Variants in PRTFDC1 observed in about 807,000 individuals in gnomAD.
The protein encoded by PRTFDC1 is phosphoribosyltransferase domain-containing protein 1.
In PRTFDC1, 38 loss-of-function variants were observed where a neutral mutation model predicts 34.6. The observed-to-expected ratio is 1.10, with a 90% confidence interval of 0.85 to 1.44. PRTFDC1 has a LOEUF of 1.44. Among genes scored for constraint, PRTFDC1 ranks in the 40% most tolerant of loss-of-function variants. PRTFDC1 has a pLI of 0.00. For missense variants in PRTFDC1, 270 were observed against 283.0 expected (o/e 0.95, Z 0.33); for synonymous variants, 93 against 98.1 (o/e 0.95, Z 0.31).
At chr10:24,916,999 A>G (rs896544701) in intron 3 of PRTFDC1, among the ~76,000 whole-genome samples, 3 of 152,086 alleles carry the variant, frequency 2.0e-5, no homozygotes, top group African/African-American at 4.8e-5. Context: ...CCTCAGCTCA[A>G]TGGTGTATTC....
At chr10:24,943,201 T>G (rs1849197476) in intron 1 of PRTFDC1, among the ~76,000 whole-genome samples, 1 of 151,444 alleles carries the variant, frequency 6.6e-6, no homozygotes, top group African/African-American at 2.4e-5. Context: ...GATTTCTTAT[T>G]AAAAGTACGT....
intron 3 of PRTFDC1, among the ~76,000 whole-genome samples, chr10:24,910,115 C>T (rs759009055): frequency 1.3e-5 from 2 of 152,000 alleles, no homozygotes; most frequent in Non-Finnish European, 2.9e-5. Context: ...GAGCCGAAAT[C>T]GTGCCACTGC....
chr10:24,949,389 C>T (rs11014320), intron 1 of PRTFDC1, among the ~76,000 whole-genome samples: 58,409 of 151,834 alleles, frequency 0.38, 12,494 homozygotes, highest in Middle Eastern at 0.53. Context: ...AGCCACCTGC[C>T]CCTTTTTAAA....
At chr10:24,920,141 A>G (rs1260627889) in intron 3 of PRTFDC1, among the ~76,000 whole-genome samples, 1 of 152,170 alleles carries the variant, frequency 6.6e-6, no homozygotes, top group African/African-American at 2.4e-5. Context: ...TCAAAGGAAT[A>G]TAATAAATCA....
At chr10:24,891,920 C>T (rs1476251144) in intron 3 of PRTFDC1, among the ~76,000 whole-genome samples, 1 of 152,206 alleles carries the variant, frequency 6.6e-6, no homozygotes, top group Non-Finnish European at 1.5e-5. Flanking sequence ...GGCCACTTAA[C>T]ATAACCTCCC....
chr10:24,859,101 G>A (rs1847631384), intron 4 of PRTFDC1, among the ~76,000 whole-genome samples: 2 of 152,172 alleles, frequency 1.3e-5, no homozygotes, highest in Non-Finnish European at 2.9e-5. Flanking sequence ...CCTGGTGGGA[G>A]GTGACTGGAT....
intron 3 of PRTFDC1, among the ~76,000 whole-genome samples, chr10:24,888,786 T>C (rs7904653): frequency 0.5 from 76,170 of 152,002 alleles, 19,673 homozygotes; most frequent in South Asian, 0.7. Flanking sequence ...TAATATATAA[T>C]ATACATCAAT....
chr10:24,850,549 T>G (rs1208571553), intron 8 of PRTFDC1, among the ~76,000 whole-genome samples: 1 of 152,128 alleles, frequency 6.6e-6, no homozygotes, highest in African/African-American at 2.4e-5. Context: ...GGAGGATCGC[T>G]TGAGCCTGGG....
chr10:24,898,949 G>T, intron 3 of PRTFDC1, among the ~76,000 whole-genome samples: 1 of 144,536 alleles, frequency 6.9e-6, no homozygotes, highest in East Asian at 2.3e-4. Flanking sequence ...TGTCTTTCTG[G>T]ATACAAGAAG....
At chr10:24,904,358 C>T (rs1848498388) in intron 3 of PRTFDC1, among the ~76,000 whole-genome samples, 1 of 152,146 alleles carries the variant, frequency 6.6e-6, no homozygotes, top group Admixed American at 6.5e-5. Flanking sequence ...GTGGGAATGA[C>T]CCACTTGTGA....
Position 24,856,937 on chromosome 10 carries a change from T to A in PRTFDC1, c.482A>T (p.Lys161Met), listed in dbSNP as rs111639291. ...KALLSNIEKYKPNMIKVASLL... is the reference protein window; with the variant it reads ...KALLSNIEKYMPNMIKVASLL... ...CCTGGCTACCTTAATCATGTTGGGC[T>A]TGTATTTCTCTATATTGCTGAGTAG... The change falls in exon 6 of 9, where the codon AAG (lysine) becomes ATG (methionine). Residue 161 changes from lysine (K) to methionine (M), a missense_variant. By Grantham distance (95) the Lys-to-Met change is moderately conservative (BLOSUM62 -1). Transcript: ENST00000320152. The A allele has an allele frequency of 6.2e-7, 1 of 1,613,446 alleles. No individual in the cohort carries two copies. The highest frequency in any genetic ancestry group is 1.3e-5 in the African/African-American group (1 of 74,916).
At chr10:24,946,979 TAAA>T (rs113540659) in intron 1 of PRTFDC1, among the ~76,000 whole-genome samples, 1 of 146,948 alleles carries the variant, frequency 6.8e-6, no homozygotes, top group Admixed American at 6.8e-5. Context: ...CTACAAAAAA[TAAA>T]AAAAAAAATT....
chr10:24,948,423 G>T (rs1029150455), intron 1 of PRTFDC1, among the ~76,000 whole-genome samples: 3 of 152,174 alleles, frequency 2.0e-5, no homozygotes, highest in African/African-American at 7.2e-5. Flanking sequence ...TCCAGATCAA[G>T]TGACAAGCCA....
At chr10:24,950,344 G>A (rs1252871344) in intron 1 of PRTFDC1, among the ~76,000 whole-genome samples, 1 of 151,884 alleles carries the variant, frequency 6.6e-6, no homozygotes, top group Non-Finnish European at 1.5e-5. Context: ...ATACTTCCTG[G>A]TTGAGCATCC....
In PRTFDC1 at chr10:24,915,875, G is replaced by C. The variant is rs150849697; in HGVS notation, c.339+21309C>G. 1.9e-3 allele frequency among the ~76,000 whole-genome samples: 287 copies of C among 152,212 alleles called. 2 individuals are homozygous for C. The highest frequency in any genetic ancestry group is 6.7e-3 in the African/African-American group (280 of 41,526). ...CACTCCCTGGATGACCCATTCTTCA[G>C]CACGGCTTTAAATCCCTTCTATACA... On this transcript the variant is annotated intron_variant, in intron 3 of 8. Transcript: ENST00000320152.
chr10:24,921,615 G>A (rs922078595), intron 3 of PRTFDC1, among the ~76,000 whole-genome samples: 4 of 150,726 alleles, frequency 2.7e-5, no homozygotes, highest in Admixed American at 1.3e-4. Context: ...GGCCCTTGAC[G>A]TACTGTTGTG....
At chr10:24,854,519 C>T (rs2132487951) in intron 7 of PRTFDC1, among the ~76,000 whole-genome samples, 1 of 152,092 alleles carries the variant, frequency 6.6e-6, no homozygotes, top group East Asian at 1.9e-4. Context: ...ATCCCAGGAG[C>T]TTTGGAGCAA....
rs539486711 is a variant in PRTFDC1, at chr10:24,890,448, T to C, written c.340-18385A>G. Among the ~76,000 whole-genome samples, 102 of 152,362 alleles carry C rather than the reference T, an allele frequency of 6.7e-4. 1 individual carries two copies. The highest frequency in any genetic ancestry group is 2.4e-3 in the African/African-American group (98 of 41,580). On this transcript the variant is annotated intron_variant, in intron 3 of 8. Transcript: ENST00000320152. ...ATGGCCTAGCAAGGGCCAGTGGCTA[T>C]GGAACAAGGCACGTGGGTTGTCCAG...
At chr10:24,939,511 A>G (rs1294927814) in intron 2 of PRTFDC1, among the ~76,000 whole-genome samples, 2 of 151,986 alleles carry the variant, frequency 1.3e-5, no homozygotes, top group Admixed American at 6.6e-5. Context: ...TGCCCACAAG[A>G]AGCTCACTTT....
Sources: allele counts gnomAD v4.1 joint callset (sites outside exome capture counted in the v4.1 genomes callset), GRCh38; gene constraint gnomAD v4.1.1; transcripts MANE v1.5; gene names NCBI Gene and HGNC (gene_info 2026-07-23, HGNC 2026-07-21).